Variants in SPATA31H1 observed in about 807,000 individuals in gnomAD.
SPATA31H1 encodes the protein SPATA31 subfamily H member 1.
chr2:27,549,344 CT>C, the SPATA31H1 span, among the ~76,000 whole-genome samples: 125 of 147,622 alleles, frequency 8.5e-4, no homozygotes, highest in African/African-American at 2.6e-3. Context: ...TATTTATTTA[CT>C]TTTTTTTTTA....
chr2:27,566,482 G>A, the SPATA31H1 span: 1 of 664,152 alleles, frequency 1.5e-6, no homozygotes, highest in Non-Finnish European at 2.8e-6. Flanking sequence ...AGGGAGAAGA[G>A]AGAGTTTGTT....
At chr2:27,567,485 A>G in the SPATA31H1 span, 1 of 415,664 alleles carries the variant, frequency 2.4e-6, no homozygotes, top group Admixed American at 3.9e-5. Context: ...ACCTTCCATC[A>G]TTTCAGCTCC....
At chr2:27,559,143 T>A in the SPATA31H1 span, among the ~76,000 whole-genome samples, 1 of 152,284 alleles carries the variant, frequency 6.6e-6, no homozygotes, top group Non-Finnish European at 1.5e-5. Flanking sequence ...AAGAGAAAAT[T>A]CAAGGTTCTG....
the SPATA31H1 span, chr2:27,569,395 T>C: frequency 2.5e-6 from 1 of 398,972 alleles, no homozygotes. Context: ...CAGGGGGTCA[T>C]CCCAGTACCA....
the SPATA31H1 span, chr2:27,568,848 A>G: frequency 5.0e-6 from 2 of 399,032 alleles, no homozygotes; most frequent in South Asian, 2.5e-4. Flanking sequence ...GACACAATTT[A>G]AGGAAGTAAA....
the SPATA31H1 span, chr2:27,572,091 C>G: frequency 5.0e-6 from 2 of 398,256 alleles, no homozygotes; most frequent in South Asian, 1.3e-4. Flanking sequence ...ATCGGTAGAC[C>G]TCAAGTCTGA....
At chr2:27,555,143 G>T in the SPATA31H1 span, among the ~76,000 whole-genome samples, 75,103 of 151,552 alleles carry the variant, frequency 0.5, 19,352 homozygotes, top group East Asian at 0.85. Flanking sequence ...TCAATTTATA[G>T]GATCATGTGA....
the SPATA31H1 span, chr2:27,571,438 CT>C: frequency 7.5e-6 from 3 of 398,344 alleles, no homozygotes; most frequent in African/African-American, 6.2e-5. Context: ...GAATTCACCC[CT>C]GATTCTGAGC....
the SPATA31H1 span, chr2:27,572,827 A>C: frequency 2.5e-6 from 1 of 398,112 alleles, no homozygotes; most frequent in African/African-American, 2.1e-5. Context: ...CCAAAACTTC[A>C]AAGTGTAACA....
the SPATA31H1 span, among the ~76,000 whole-genome samples, chr2:27,547,979 CT>C: frequency 0.018 from 2,063 of 113,238 alleles, 11 homozygotes; most frequent in Non-Finnish European, 0.023. Flanking sequence ...ATAGTAATTT[CT>C]TTTTTTTTTT....
chr2:27,567,141 C>G, the SPATA31H1 span: 1 of 671,154 alleles, frequency 1.5e-6, no homozygotes, highest in Non-Finnish European at 2.7e-6. Context: ...TATCTGCAAA[C>G]AAAAAAGGAA....
chr2:27,570,547 T>C, the SPATA31H1 span: 1 of 398,934 alleles, frequency 2.5e-6, no homozygotes, highest in Non-Finnish European at 4.4e-6. Flanking sequence ...ACTCAAAGTA[T>C]GAAACAGGTA....
chr2:27,544,172 T>G, the SPATA31H1 span, among the ~76,000 whole-genome samples: 1 of 152,070 alleles, frequency 6.6e-6, no homozygotes, highest in Non-Finnish European at 1.5e-5. Context: ...CATATTTATG[T>G]AATAAAAAGC....
the SPATA31H1 span, chr2:27,577,203 C>G: frequency 6.8e-6 from 11 of 1,613,908 alleles, no homozygotes; most frequent in Non-Finnish European, 8.5e-6. This position sits in a 1 kb window ranked among gnomAD's most constrained non-coding sequence, Gnocchi z 4.5. Flanking sequence ...TGATCTGACT[C>G]CAATGGTAAG....
chr2:27,561,679 TC>T, the SPATA31H1 span, among the ~76,000 whole-genome samples: 1 of 152,176 alleles, frequency 6.6e-6, no homozygotes, highest in African/African-American at 2.4e-5. Context: ...ATTTTATTTT[TC>T]TCTATAATGA....
chr2:27,580,935 C>A, the SPATA31H1 span: 5 of 1,614,102 alleles, frequency 3.1e-6, no homozygotes, highest in African/African-American at 6.7e-5. Context: ...TCTTCGACTG[C>A]CCAAGCCCAC....
the SPATA31H1 span, chr2:27,577,111 G>T: frequency 4.3e-6 from 7 of 1,614,034 alleles, no homozygotes; most frequent in Non-Finnish European, 5.9e-6. This position sits in a 1 kb window ranked among gnomAD's most constrained non-coding sequence, Gnocchi z 4.5. Flanking sequence ...AAATCTGTGG[G>T]GTTGACCCCA....
At chr2:27,561,903 A>G in the SPATA31H1 span, among the ~76,000 whole-genome samples, 1 of 152,158 alleles carries the variant, frequency 6.6e-6, no homozygotes, top group African/African-American at 2.4e-5. Flanking sequence ...GTTTCGTCAC[A>G]TAGCCCAGGC....
At chr2:27,567,417 C>T in the SPATA31H1 span, 2 of 465,500 alleles carry the variant, frequency 4.3e-6, no homozygotes, top group Non-Finnish European at 3.8e-6. Flanking sequence ...ACCCCAAACT[C>T]AGTTATCTAT....
Sources: allele counts gnomAD v4.1 joint callset (sites outside exome capture counted in the v4.1 genomes callset), GRCh38; gene constraint gnomAD v4.1.1; non-coding constraint Gnocchi (gnomAD v3.1); transcripts MANE v1.5; gene names NCBI Gene and HGNC (gene_info 2026-07-23, HGNC 2026-07-21).